CSMD1: variants seen among roughly 807,000 people sequenced by gnomAD.
CSMD1 encodes CUB and Sushi multiple domains 1.
A neutral mutation model predicts 417.5 loss-of-function variants in CSMD1; 213 were observed. The ratio of observed to expected loss-of-function variants is 0.51; its 90% CI spans 0.46 to 0.57. The LOEUF (loss-of-function observed/expected upper bound fraction) is 0.57, where lower values mean the gene tolerates loss of function less well. CSMD1 is among the 20% of genes least tolerant of loss of function. The pLI, the probability that CSMD1 is intolerant of heterozygous loss-of-function variation, is 0.00. For missense variants in CSMD1, 6,923 were observed against 4,529.7 expected, an observed-to-expected ratio of 1.53 and a Z score of -15.17; for synonymous variants, 2,862 against 1,736.8, an observed-to-expected ratio of 1.65 and a Z score of -16.11.
intron 5 of CSMD1, among the ~76,000 whole-genome samples, chr8:3,834,325 T>A (rs1024827894): frequency 6.6e-6 from 1 of 152,174 alleles, no homozygotes; most frequent in African/African-American, 2.4e-5. Flanking sequence ...GGATGTGGCT[T>A]ACTCACTGCT....
intron 1 of CSMD1, among the ~76,000 whole-genome samples, chr8:4,933,781 C>G (rs1324237330): frequency 6.6e-6 from 1 of 152,138 alleles, no homozygotes; most frequent in Non-Finnish European, 1.5e-5. Flanking sequence ...CTTTCTTCCT[C>G]TCTTCCTTCT....
intron 23 of CSMD1, among the ~76,000 whole-genome samples, chr8:3,311,129 C>T (rs1563258675): frequency 6.6e-6 from 1 of 152,262 alleles, no homozygotes; most frequent in South Asian, 2.1e-4. Context: ...ATTCACCTAG[C>T]TTACCATAAA....
intron 3 of CSMD1, among the ~76,000 whole-genome samples, chr8:4,274,623 A>G (rs549196647): frequency 2.0e-5 from 3 of 152,268 alleles, no homozygotes; most frequent in African/African-American, 7.2e-5. Flanking sequence ...TTTCTATTAA[A>G]TATCGAACAA....
In CSMD1 at chr8:3,343,385, C is replaced by T. The variant is rs759416289; in HGVS notation, c.3540G>A (p.Gly1180=). The T allele has an allele frequency of 7.4e-6, 12 of 1,613,554 alleles. No homozygotes were observed. Among genetic ancestry groups the T allele is most frequent in the Non-Finnish European group, 1.0e-5 (12 of 1,179,704 alleles). Reference sequence around the variant, plus strand: ...GATTGGATGTGCTGTTTAGGATCAGCCCCAGAAGTTCATTTTTAGTGAACG... The same window carrying T: ...GATTGGATGTGCTGTTTAGGATCAGTCCCAGAAGTTCATTTTTAGTGAACG... The part of the protein sequence containing the change: ...LGTFTKNELL[G]LILNSTSNHL... The change falls in exon 23 of 70, where the codon GGG becomes GGA. Residue 1180 remains glycine, a synonymous_variant. Transcript: ENST00000635120.
intron 1 of CSMD1, among the ~76,000 whole-genome samples, chr8:4,916,374 T>A (rs1368987656): frequency 6.6e-6 from 1 of 152,250 alleles, no homozygotes; most frequent in Non-Finnish European, 1.5e-5. Context: ...AAAAGTATTC[T>A]GGTTATAGAT....
chr8:3,843,973 A>C (rs989381649), intron 5 of CSMD1, among the ~76,000 whole-genome samples: 3 of 152,200 alleles, frequency 2.0e-5, no homozygotes, highest in African/African-American at 7.2e-5. Flanking sequence ...CAGAAAATGT[A>C]CTCAAACGGC....
intron 10 of CSMD1, among the ~76,000 whole-genome samples, chr8:3,512,893 G>C (rs1797136408): frequency 6.6e-6 from 1 of 152,040 alleles, no homozygotes; most frequent in South Asian, 2.1e-4. Flanking sequence ...ACTGCACTTG[G>C]TCTTTTTAAG....
chr8:4,028,429 G>T (rs954637952), intron 4 of CSMD1, among the ~76,000 whole-genome samples: 1 of 151,990 alleles, frequency 6.6e-6, no homozygotes, highest in South Asian at 2.1e-4. Flanking sequence ...AGTAGTAGCA[G>T]TCATCGCCGT....
chr8:3,542,296 A>C (rs1390674270), intron 10 of CSMD1, among the ~76,000 whole-genome samples: 2 of 151,948 alleles, frequency 1.3e-5, no homozygotes, highest in South Asian at 2.1e-4. Flanking sequence ...ATTCATTCAG[A>C]TGGTTCATTC....
chr8:4,110,821 C>G (rs973323307), intron 3 of CSMD1, among the ~76,000 whole-genome samples: 1 of 152,046 alleles, frequency 6.6e-6, no homozygotes, highest in Non-Finnish European at 1.5e-5. Flanking sequence ...TGTTCTGCTT[C>G]TATTTCTACT....
At chr8:3,446,820 G>A (rs771212128) in intron 12 of CSMD1, among the ~76,000 whole-genome samples, 2 of 152,222 alleles carry the variant, frequency 1.3e-5, no homozygotes, top group Non-Finnish European at 2.9e-5. Flanking sequence ...TATGGGTGGT[G>A]CTCAAGTTAT....
At chr8:3,662,453 G>A (rs149354968) in intron 7 of CSMD1, among the ~76,000 whole-genome samples, 2,152 of 152,164 alleles carry the variant, frequency 0.014, 56 homozygotes, top group African/African-American at 0.049. Context: ...TGGGCATTTG[G>A]GTTGGTTCCA....
intron 4 of CSMD1, among the ~76,000 whole-genome samples, chr8:4,028,865 A>G (rs983343422): frequency 6.6e-6 from 1 of 152,208 alleles, no homozygotes; most frequent in African/African-American, 2.4e-5. Flanking sequence ...CAAAAGATAA[A>G]TTTTTCTTAG....
At chr8:4,570,541 T>C (rs1798839129) in intron 2 of CSMD1, among the ~76,000 whole-genome samples, 1 of 152,174 alleles carries the variant, frequency 6.6e-6, no homozygotes, top group Non-Finnish European at 1.5e-5. Context: ...TTTGCCAGTA[T>C]TTTATTGAGG....
intron 1 of CSMD1, among the ~76,000 whole-genome samples, chr8:4,940,690 C>T (rs557826370): frequency 6.6e-6 from 1 of 152,186 alleles, no homozygotes; most frequent in Non-Finnish European, 1.5e-5. Context: ...CTTACAAGAT[C>T]AAATCAACCA....
At chr8:3,662,849 G>A (rs191263406) in intron 7 of CSMD1, among the ~76,000 whole-genome samples, 11 of 152,106 alleles carry the variant, frequency 7.2e-5, no homozygotes, top group East Asian at 5.8e-4. Context: ...TGGGTAGGGG[G>A]AAAGAGGGGG....
chr8:4,198,423 G>C (rs538302949), intron 3 of CSMD1, among the ~76,000 whole-genome samples: 34 of 152,322 alleles, frequency 2.2e-4, no homozygotes, highest in Non-Finnish European at 3.7e-4. Context: ...TGGCAATATA[G>C]ATAAGCCATA....
chr8:3,035,228 C>A (rs548177710), intron 50 of CSMD1, among the ~76,000 whole-genome samples: 1 of 152,292 alleles, frequency 6.6e-6, no homozygotes, highest in East Asian at 1.9e-4. Context: ...TAGGCAGATA[C>A]TGCAGAGCGC....
At chr8:3,923,174 C>G (rs964766122) in intron 5 of CSMD1, among the ~76,000 whole-genome samples, 10 of 152,134 alleles carry the variant, frequency 6.6e-5, no homozygotes, top group African/African-American at 2.4e-4. Context: ...GAGACCTCTC[C>G]TCATCAGTGC....
Sources: gnomAD v4.1 joint callset for allele counts (sites outside exome capture counted in the v4.1 genomes callset) on GRCh38, gnomAD v4.1.1 for gene constraint, MANE v1.5 for transcripts, NCBI Gene and HGNC (gene_info 2026-07-23, HGNC 2026-07-21) for gene names.